The following SLC2A9 variants were observed in gnomAD, a reference collection of about 807,000 sequenced individuals.
The protein encoded by SLC2A9 is solute carrier family 2, facilitated glucose transporter member 9.
SLC2A9 carries 39 observed loss-of-function variants against 50.6 expected under a neutral mutation model. That is an observed-to-expected ratio of 0.77 (90% CI 0.60 to 1.01). The LOEUF (loss-of-function observed/expected upper bound fraction) is 1.01, where lower values mean the gene tolerates loss of function less well. SLC2A9 is among the 50% of genes least tolerant of loss of function. SLC2A9 has a pLI of 0.00. For missense variants in SLC2A9, 686 were observed against 677.6 expected, an observed-to-expected ratio of 1.01 and a Z score of -0.14; for synonymous variants, 324 against 276.9, an observed-to-expected ratio of 1.17 and a Z score of -1.69.
intron 1 of SLC2A9, among the ~76,000 whole-genome samples, chr4:10,038,328 T>TTC (rs1271352197): frequency 3.3e-5 from 5 of 151,594 alleles, no homozygotes; most frequent in Admixed American, 3.3e-4. Context: ...GCCAACATGG[T>TTC]GAAACCCAGT....
intron 10 of SLC2A9, among the ~76,000 whole-genome samples, chr4:9,850,784 T>C (rs1233843023): frequency 6.6e-6 from 1 of 152,142 alleles, no homozygotes; most frequent in African/African-American, 2.4e-5. Flanking sequence ...CCAGCACATG[T>C]GTGTGCATTC....
At chr4:9,773,962 T>C (rs991031090) in intron 1 of SLC2A9, among the ~76,000 whole-genome samples, 7 of 150,908 alleles carry the variant, frequency 4.6e-5, no homozygotes, top group African/African-American at 1.7e-4. Context: ...CAGAACACTC[T>C]CAGTTTCAAA....
intron 5 of SLC2A9, among the ~76,000 whole-genome samples, chr4:9,976,028 T>C (rs1404027366): frequency 6.6e-6 from 1 of 152,184 alleles, no homozygotes; most frequent in Non-Finnish European, 1.5e-5. Context: ...TTCTCACTTA[T>C]AAGTGGGAAT....
At chr4:9,920,026 T>G (rs1156989750) in intron 7 of SLC2A9, among the ~76,000 whole-genome samples, 1 of 152,162 alleles carries the variant, frequency 6.6e-6, no homozygotes, top group Non-Finnish European at 1.5e-5. Flanking sequence ...AAGAGTACTT[T>G]TATGAAAATC....
At position 10,004,384 on chromosome 4, in the gene SLC2A9, C is replaced by T. The variant is rs114784936; in HGVS notation, c.250-7443G>A. ...CCCAGTTCCTTGCATCTAGGTGGGGCCATATGACTACTTCTCAAGCAAGGA... is the reference window on the plus strand; with the variant it reads ...CCCAGTTCCTTGCATCTAGGTGGGGTCATATGACTACTTCTCAAGCAAGGA... On this transcript the variant is annotated intron_variant, in intron 2 of 11. Transcript: ENST00000264784. 1.4e-3 allele frequency among the ~76,000 whole-genome samples: 218 copies of T among 152,206 alleles called. 1 individual carries two copies. Among genetic ancestry groups the T allele is most frequent in the African/African-American group, 5.1e-3 (213 of 41,538 alleles).
chr4:9,909,314 AC>A, intron 7 of SLC2A9, among the ~76,000 whole-genome samples: 1 of 152,352 alleles, frequency 6.6e-6, no homozygotes, highest in South Asian at 2.1e-4. Flanking sequence ...CTAGGATGAC[AC>A]ACTTACATTG....
chr4:9,960,968 C>A (rs544931362), intron 5 of SLC2A9, among the ~76,000 whole-genome samples: 2 of 152,148 alleles, frequency 1.3e-5, no homozygotes, highest in Non-Finnish European at 2.9e-5. Flanking sequence ...TTTGCAGAAA[C>A]GGTACAAAGT....
In SLC2A9 at chr4:9,912,126, A is replaced by T. The variant is rs1397404715; in HGVS notation, c.1003-3781T>A. 2.6e-5 allele frequency among the ~76,000 whole-genome samples: 4 copies of T among 151,902 alleles called. No individual in the cohort carries two copies. In the East Asian group the frequency reaches 7.8e-4, roughly 30 times the overall value. On this transcript the variant is annotated intron_variant, in intron 7 of 11. Transcript: ENST00000264784. ...GGACACAGGAAGGGGAATATCACAC[A>T]CCAGTGACTGTTCTGGGGTGGGGGG... is the stretch of plus-strand genomic sequence containing the variant.
At chr4:9,777,286 C>T (rs571751019), downstream of SLC2A9, among the ~76,000 whole-genome samples, 13 of 140,160 alleles carry the variant, frequency 9.3e-5, no homozygotes, top group African/African-American at 3.1e-4. Flanking sequence ...CCCTTGCCCC[C>T]GTCTCTGTTT....
intron 11 of SLC2A9, among the ~76,000 whole-genome samples, chr4:9,832,016 G>A (rs1186153252): frequency 1.3e-5 from 2 of 152,230 alleles, no homozygotes; most frequent in African/African-American, 4.8e-5. Flanking sequence ...AAGCCCTTGA[G>A]CTCAGACTTC....
intron 10 of SLC2A9, among the ~76,000 whole-genome samples, chr4:9,869,772 G>T (rs536690782): frequency 6.6e-6 from 1 of 152,322 alleles, no homozygotes; most frequent in South Asian, 2.1e-4. Context: ...ACTGTTTTTG[G>T]TAGAGGAGGC....
At chr4:9,972,795 C>T (rs1754124333) in intron 5 of SLC2A9, among the ~76,000 whole-genome samples, 1 of 152,140 alleles carries the variant, frequency 6.6e-6, no homozygotes, top group Non-Finnish European at 1.5e-5. Context: ...GCAGCAAAAG[C>T]AGTGGTAAGA....
At chr4:9,919,461 C>T (rs1291203077) in intron 7 of SLC2A9, among the ~76,000 whole-genome samples, 2 of 152,162 alleles carry the variant, frequency 1.3e-5, no homozygotes, top group Non-Finnish European at 2.9e-5. Context: ...AATGACTCCC[C>T]TTCACATCAC....
chr4:9,779,592 T>A (rs1718050320), downstream of SLC2A9, among the ~76,000 whole-genome samples: 1 of 151,900 alleles, frequency 6.6e-6, no homozygotes, highest in Non-Finnish European at 1.5e-5. Context: ...TTTTTTGTAT[T>A]TTTAGTAGAG....
At chr4:10,036,518 C>A (rs1162756223) in intron 1 of SLC2A9, among the ~76,000 whole-genome samples, 1 of 152,220 alleles carries the variant, frequency 6.6e-6, no homozygotes, top group Non-Finnish European at 1.5e-5. Context: ...GTGGTGGTTT[C>A]AATATTCTCT....
chr4:9,783,206 C>A (rs772829646), intron 3 of SLC2A9: 14 of 1,614,108 alleles, frequency 8.7e-6, no homozygotes, highest in Middle Eastern at 1.6e-4. Context: ...CAGCAATGAG[C>A]TCATCTCCTA....
At chr4:9,972,040 T>C (rs562501762) in intron 5 of SLC2A9, among the ~76,000 whole-genome samples, 16 of 152,330 alleles carry the variant, frequency 1.1e-4, no homozygotes, top group African/African-American at 3.8e-4. Context: ...TTCTTTCACC[T>C]CCCTGAATAT....
At chr4:10,029,018 C>T (rs1444728007) in intron 1 of SLC2A9, 3 of 152,296 alleles carry the variant, frequency 2.0e-5, no homozygotes, top group East Asian at 1.9e-4. Context: ...TCTCACTGAC[C>T]TGGGGTGAAG....
intron 3 of SLC2A9, among the ~76,000 whole-genome samples, chr4:9,805,355 C>T (rs1415322365): frequency 1.3e-5 from 2 of 152,204 alleles, no homozygotes; most frequent in Non-Finnish European, 2.9e-5. Context: ...TCATGCCCAT[C>T]TGTGTTTCAT....
Sources: allele counts gnomAD v4.1 joint callset (sites outside exome capture counted in the v4.1 genomes callset), GRCh38; gene constraint gnomAD v4.1.1; transcripts MANE v1.5; gene names NCBI Gene and HGNC (gene_info 2026-07-23, HGNC 2026-07-21).